Variants in KHDRBS2 observed in about 807,000 individuals in gnomAD.
KHDRBS2 encodes KH RNA binding domain containing, signal transduction associated 2.
KHDRBS2 carries 26 observed loss-of-function variants against 44.3 expected under a neutral mutation model. The observed-to-expected ratio is 0.59, with a 90% CI of 0.43 to 0.81. KHDRBS2 has a LOEUF of 0.81. Among genes scored for constraint, KHDRBS2 ranks in the 40% least tolerant of loss-of-function variants. The pLI, the probability that KHDRBS2 is intolerant of heterozygous loss-of-function variation, is 0.00. For synonymous variants in KHDRBS2, 194 were observed against 151.1 expected, an observed-to-expected ratio of 1.28 and a Z score of -2.08; for missense variants, 476 against 433.1, an observed-to-expected ratio of 1.10 and a Z score of -0.88.
chr6:62,228,700 TAGCTGTGTCCC>T (rs1446439357), intron 1 of KHDRBS2, among the ~76,000 whole-genome samples: 1 of 152,196 alleles, frequency 6.6e-6, no homozygotes, highest in African/African-American at 2.4e-5. Context: ...AACACTGTGT[TAGCTGTGTCCC>T]AGCTAATCTG....
chr6:61,574,041 ACAC>A, the KHDRBS2 span, among the ~76,000 whole-genome samples: 1 of 152,176 alleles, frequency 6.6e-6, no homozygotes, highest in Admixed American at 6.5e-5. Context: ...TGGGTAAAGG[ACAC>A]CCTATTCAAC....
chr6:61,992,640 T>C (rs1403520909), intron 3 of KHDRBS2, among the ~76,000 whole-genome samples: 1 of 152,178 alleles, frequency 6.6e-6, no homozygotes, highest in Admixed American at 6.5e-5. Flanking sequence ...CTTATATGTG[T>C]AACCAGAGTG....
chr6:61,824,133 TG>T (rs1359455690), intron 6 of KHDRBS2, among the ~76,000 whole-genome samples: 3 of 152,146 alleles, frequency 2.0e-5, no homozygotes, highest in East Asian at 3.9e-4. Context: ...GCTCTGAATC[TG>T]GTAAAGCTTA....
intron 6 of KHDRBS2, among the ~76,000 whole-genome samples, chr6:61,754,282 A>G (rs1239459291): frequency 6.6e-6 from 1 of 152,180 alleles, no homozygotes. Flanking sequence ...GGACCACAAA[A>G]AAATGGAGCA....
In KHDRBS2 at chr6:61,855,873, C is replaced by T. The variant is rs187067709; in HGVS notation, c.810+38762G>A. On this transcript the variant is annotated intron_variant, in intron 6 of 8. Coordinates refer to ENST00000281156, the MANE Select transcript of KHDRBS2 (RefSeq NM_152688.4). ...ATAGTAGCTGGCTTATTAGCACACC[C>T]TTCATTGCATTTTTCCCTTTCTCTC... 2.0e-3 allele frequency among the ~76,000 whole-genome samples: 301 copies of T among 152,114 alleles called. 2 individuals are homozygous for T. The highest frequency in any genetic ancestry group is 7.1e-3 in the African/African-American group (295 of 41,528).
At chr6:61,892,324 G>C (rs570081600) in intron 6 of KHDRBS2, among the ~76,000 whole-genome samples, 182 of 152,268 alleles carry the variant, frequency 1.2e-3, no homozygotes, top group African/African-American at 4.2e-3. Context: ...TGGCCATACT[G>C]TCCAAGGTAA....
At chr6:61,674,922 A>AC in the KHDRBS2 span, among the ~76,000 whole-genome samples, 1 of 151,800 alleles carries the variant, frequency 6.6e-6, no homozygotes, top group Non-Finnish European at 1.5e-5. Flanking sequence ...GTTATGTAAT[A>AC]GAGTACATAT....
chr6:61,903,016 C>T (rs1424835292), intron 4 of KHDRBS2, among the ~76,000 whole-genome samples: 2 of 152,130 alleles, frequency 1.3e-5, no homozygotes, highest in African/African-American at 4.8e-5. Flanking sequence ...TGATAATAGC[C>T]TCAACACAGT....
intron 6 of KHDRBS2, among the ~76,000 whole-genome samples, chr6:61,870,604 T>G (rs778679305): frequency 4.6e-5 from 7 of 152,092 alleles, no homozygotes; most frequent in South Asian, 2.1e-4. Flanking sequence ...GAGAGGCTGA[T>G]AGACACCTCG....
chr6:62,199,265 G>T (rs1445642811), intron 1 of KHDRBS2, among the ~76,000 whole-genome samples: 2 of 152,028 alleles, frequency 1.3e-5, no homozygotes, highest in African/African-American at 4.8e-5. Context: ...AGGAAATAAA[G>T]GTCATTCAAT....
chr6:61,905,445 G>A (rs111299000), intron 4 of KHDRBS2, among the ~76,000 whole-genome samples: 1,565 of 151,502 alleles, frequency 0.01, 29 homozygotes, highest in African/African-American at 0.036. Context: ...GAGAAAAAGA[G>A]GAATGAAAAA....
At chr6:62,070,953 C>T (rs548127943) in intron 2 of KHDRBS2, among the ~76,000 whole-genome samples, 2 of 152,164 alleles carry the variant, frequency 1.3e-5, no homozygotes, top group Admixed American at 6.5e-5. Context: ...TACAGTCCCA[C>T]CAACAGTGTA....
chr6:61,677,281 A>G (rs1389701756), downstream of KHDRBS2, among the ~76,000 whole-genome samples: 1 of 151,910 alleles, frequency 6.6e-6, no homozygotes, highest in Non-Finnish European at 1.5e-5. Context: ...CCACTGTTTG[A>G]AATGGATAAA....
intron 1 of KHDRBS2, among the ~76,000 whole-genome samples, chr6:62,241,058 A>G (rs1347544229): frequency 6.6e-6 from 1 of 152,054 alleles, no homozygotes; most frequent in African/African-American, 2.4e-5. Context: ...AGTGTTTCAA[A>G]ATTTTTTAAG....
intron 2 of KHDRBS2, among the ~76,000 whole-genome samples, chr6:62,095,206 G>T (rs1436010033): frequency 1.3e-5 from 2 of 151,610 alleles, no homozygotes; most frequent in Non-Finnish European, 3.0e-5. Context: ...CAATAGCTAT[G>T]AAATAAATAA....
the KHDRBS2 span, among the ~76,000 whole-genome samples, chr6:61,651,157 C>G: frequency 6.6e-6 from 1 of 152,020 alleles, no homozygotes; most frequent in Non-Finnish European, 1.5e-5. Context: ...ATTCTAAGGG[C>G]TTTAGGTGCT....
chr6:61,561,375 T>C, the KHDRBS2 span, among the ~76,000 whole-genome samples: 1 of 152,196 alleles, frequency 6.6e-6, no homozygotes, highest in African/African-American at 2.4e-5. Context: ...ACCTGGCTAC[T>C]GCCTGTGTTC....
At chr6:61,877,646 C>A (rs897185426) in intron 6 of KHDRBS2, among the ~76,000 whole-genome samples, 1 of 151,590 alleles carries the variant, frequency 6.6e-6, no homozygotes, top group African/African-American at 2.4e-5. Context: ...ATTATGCAAC[C>A]GGAGCAAGGG....
At chr6:61,901,209 C>A in intron 5 of KHDRBS2, 35 bp downstream of exon 5, 1 of 1,598,728 alleles carries the variant, frequency 6.3e-7, no homozygotes, top group Non-Finnish European at 8.5e-7. Context: ...GGCCTGCCAT[C>A]ATCCTTAATT....
Sources: gnomAD v4.1 joint callset for allele counts (sites outside exome capture counted in the v4.1 genomes callset) on GRCh38, gnomAD v4.1.1 for gene constraint, MANE v1.5 for transcripts, NCBI Gene and HGNC (gene_info 2026-07-23, HGNC 2026-07-21) for gene names.